BIK: variants seen among roughly 807,000 people sequenced by gnomAD.
BIK encodes the protein bcl-2-interacting killer.
A neutral mutation model predicts 12.1 loss-of-function variants in BIK; 14 were observed. That is an observed-to-expected ratio of 1.16 (90% CI 0.77 to 1.81). The LOEUF (loss-of-function observed/expected upper bound fraction) is 1.81, where lower values mean the gene tolerates loss of function less well. Ranked by LOEUF, BIK falls within the 40% of genes most tolerant of loss-of-function variation. The pLI is 0.00. For synonymous variants in BIK, 86 were observed against 92.3 expected (o/e 0.93, Z 0.39); for missense variants, 215 against 207.9 (o/e 1.03, Z -0.21).
At chr22:43,128,364 GC>G in intron 3 of BIK, 131 bp from the exon 4 acceptor site, 11 of 1,179,690 alleles carry the variant, frequency 9.3e-6, no homozygotes, top group African/African-American at 1.5e-5. Context: ...CACGGAAAGG[GC>G]CCCGGGTGGC....
At chr22:43,111,963 G>A (rs1930019797) in intron 1 of BIK, among the ~76,000 whole-genome samples, 1 of 152,164 alleles carries the variant, frequency 6.6e-6, no homozygotes, top group African/African-American at 2.4e-5. Flanking sequence ...TGGAACCCAA[G>A]CCAAAACCTC....
At chr22:43,120,648 G>A (rs1251998181) in intron 1 of BIK, among the ~76,000 whole-genome samples, 5 of 152,190 alleles carry the variant, frequency 3.3e-5, no homozygotes, top group Admixed American at 2.6e-4. Flanking sequence ...TTGGGCTGGT[G>A]GGGTGGCCAG....
chr22:43,129,226 AGGTGCTGCTGGCGCTGCT>A lies in BIK; in HGVS notation c.406_423del (p.Val136_Leu141del), dbSNP rs750736679. The A allele has an allele frequency of 1.2e-6, 2 of 1,604,792 alleles. No homozygotes were observed. The highest frequency in any genetic ancestry group is 1.7e-6 in the Non-Finnish European group (2 of 1,179,778). On this transcript the variant is annotated inframe_deletion, in exon 5 of 5. Transcript: ENST00000216115. ...TTGCTCCCACAGGTGTCCTGCGAAC[AGGTGCTGCTGGCGCTGCT>A]GCTGCTGCTGGCGCTGCTGCTGCCG...
At chr22:43,113,382 G>A (rs1408420010) in intron 1 of BIK, among the ~76,000 whole-genome samples, 1 of 151,936 alleles carries the variant, frequency 6.6e-6, no homozygotes, top group East Asian at 1.9e-4. Flanking sequence ...GAATACAGGC[G>A]TGAGCCACCT....
intron 1 of BIK, among the ~76,000 whole-genome samples, chr22:43,116,711 C>A (rs12019222): frequency 0.16 from 24,983 of 152,086 alleles, 2,377 homozygotes; most frequent in African/African-American, 0.26. Flanking sequence ...CCCGCCTCGG[C>A]CTCCCAAAGT....
At chr22:43,114,289 T>C (rs992765416) in intron 1 of BIK, among the ~76,000 whole-genome samples, 1 of 152,074 alleles carries the variant, frequency 6.6e-6, no homozygotes, top group Non-Finnish European at 1.5e-5. Context: ...TTTGGATATT[T>C]AAGATCAAGT....
At chr22:43,120,887 A>G (rs28757852) in intron 1 of BIK, among the ~76,000 whole-genome samples, 3,395 of 152,282 alleles carry the variant, frequency 0.022, 123 homozygotes, top group African/African-American at 0.077. Flanking sequence ...GTAGAGGGTA[A>G]TGGGTATTTA....
In BIK at chr22:43,126,188, C is replaced by CTTTTTTT. The variant is rs549572600; in HGVS notation, c.162-1500_162-1494dup. On this transcript the variant is annotated intron_variant, in intron 2 of 4. Transcript: ENST00000216115. ...TGCAGGCGTGCACCAGCATGCCCGG[C>CTTTTTTT]TTTTTTTTTTTTTTTGAGACGGAGT... Among the ~76,000 whole-genome samples, 194 of 137,178 alleles carry CTTTTTTT rather than the reference C, an allele frequency of 1.4e-3. 3 individuals are homozygous for CTTTTTTT. Among genetic ancestry groups the CTTTTTTT allele is most frequent in the African/African-American group, 5.2e-3 (185 of 35,836 alleles). The allele number at this position is 137,178 out of a possible 152,430, so 90.0% of individuals were successfully genotyped here.
intron 2 of BIK, among the ~76,000 whole-genome samples, chr22:43,126,799 A>G (rs1328826022): frequency 6.6e-6 from 1 of 152,140 alleles, no homozygotes; most frequent in Non-Finnish European, 1.5e-5. Context: ...AGCCTGGGGC[A>G]GTATTTTCCT....
chr22:43,129,236 G>A lies in BIK; in HGVS notation c.414G>A (p.Leu138=), dbSNP rs140238366. The change falls in exon 5 of 5, where the codon CTG becomes CTA. Residue 138 remains leucine, a synonymous_variant. Coordinates refer to ENST00000216115, the MANE Select transcript of BIK (RefSeq NM_001197.5). ...AGGTGTCCTGCGAACAGGTGCTGCT[G>A]GCGCTGCTGCTGCTGCTGGCGCTGC... ...GSWVSCEQVL[L]ALLLLLALLL... 1.2e-4 allele frequency: 197 copies of A among 1,587,064 alleles called. No homozygotes were observed. Among genetic ancestry groups the A allele is most frequent in the Middle Eastern group, 1.8e-4 (1 of 5,434 alleles).
At chr22:43,127,851 T>C in intron 3 of BIK, 56 bp downstream of exon 3, 1 of 1,487,280 alleles carries the variant, frequency 6.7e-7, no homozygotes, top group African/African-American at 1.4e-5. Context: ...GGGCGGTGGG[T>C]GGAGGCCCTG....
chr22:43,124,812 A>G (rs1930283580), intron 2 of BIK, among the ~76,000 whole-genome samples: 1 of 152,174 alleles, frequency 6.6e-6, no homozygotes, highest in Non-Finnish European at 1.5e-5. Flanking sequence ...GAATCTCTTG[A>G]ACCCAGGAGG....
rs144930249 is a variant in BIK, at chr22:43,124,599, G to C, written c.161+416G>C. Among the ~76,000 whole-genome samples the C allele has an allele frequency of 9.8e-5, 15 of 152,344 alleles. No individual in the cohort carries two copies. The East Asian group carries it at 2.9e-3, about 29-fold the overall frequency. ...GAGAGGGTTCTTAGATCTCAAGCAA[G>C]AAAGAATTTGGGCCACACGCAGTGG... On this transcript the variant is annotated intron_variant, in intron 2 of 4. Coordinates refer to ENST00000216115, the MANE Select transcript of BIK (RefSeq NM_001197.5).
Position 43,128,605 on chromosome 22 carries a change from T to TCCCCGAA in BIK, c.376_382dup (p.Gly128GlufsTer50), listed in dbSNP as rs1296806151. On this transcript the variant is annotated frameshift_variant, in exon 4 of 5. Transcript: ENST00000216115. LOFTEE classifies it low-confidence loss of function (END_TRUNC). ...GGAGAACATAATGAGGTTCTGGAGATCCCCGAACCCCGGGTCCTGGGTAAG... is the reference window on the plus strand; with the variant it reads ...GGAGAACATAATGAGGTTCTGGAGATCCCCGAACCCCGAACCCCGGGTCCTGGGTAAG... 6.2e-7 allele frequency: 1 copy of TCCCCGAA among 1,611,866 alleles called. No homozygotes were observed. Among genetic ancestry groups the TCCCCGAA allele is most frequent in the South Asian group, 1.1e-5 (1 of 90,932 alleles).
chr22:43,120,311 C>T (rs1042664092), intron 1 of BIK, among the ~76,000 whole-genome samples: 2 of 152,322 alleles, frequency 1.3e-5, no homozygotes, highest in African/African-American at 4.8e-5. Context: ...CCTCAGCCTC[C>T]CAAGTAGCTG....
chr22:43,117,740 G>A (rs1471945876), intron 1 of BIK, among the ~76,000 whole-genome samples: 4 of 146,680 alleles, frequency 2.7e-5, no homozygotes, highest in Non-Finnish European at 4.5e-5. Flanking sequence ...GTGTGATCTC[G>A]GCTCACTGCA....
At chr22:43,121,425 A>G (rs1286518369) in intron 1 of BIK, among the ~76,000 whole-genome samples, 1 of 151,978 alleles carries the variant, frequency 6.6e-6, no homozygotes, top group African/African-American at 2.4e-5. Context: ...AGCGCAGCCC[A>G]CTCTGGTGGC....
At chr22:43,120,007 A>G (rs569854041) in intron 1 of BIK, among the ~76,000 whole-genome samples, 1 of 151,670 alleles carries the variant, frequency 6.6e-6, no homozygotes, top group East Asian at 1.9e-4. Flanking sequence ...TTAAAAAAGG[A>G]CCAATAGGCG....
In BIK at chr22:43,128,477, C is replaced by G; in HGVS notation, c.261-19C>G. On this transcript the variant is annotated intron_variant, in intron 3 of 4. Transcript: ENST00000216115. ...CTCCTGCAGTAATGGCTTTGTCCCC[C>G]CATCCTCTTTGTCTATAGCCTGGGT... 1.9e-6 allele frequency: 3 copies of G among 1,564,960 alleles called. No homozygotes were observed. In the South Asian group the frequency reaches 3.3e-5, roughly 17 times the overall value.
Sources: gnomAD v4.1 joint callset for allele counts (sites outside exome capture counted in the v4.1 genomes callset) on GRCh38, gnomAD v4.1.1 for gene constraint, MANE v1.5 for transcripts, NCBI Gene and HGNC (gene_info 2026-07-23, HGNC 2026-07-21) for gene names.